The following NAALADL2 variants were observed in gnomAD, a reference collection of about 807,000 sequenced individuals.
NAALADL2 encodes the protein inactive N-acetylated-alpha-linked acidic dipeptidase-like protein 2.
In NAALADL2, 76 loss-of-function variants were observed where a neutral mutation model predicts 87.2. The observed-to-expected ratio is 0.87, with a 90% CI of 0.72 to 1.05. The LOEUF (loss-of-function observed/expected upper bound fraction) is 1.05, where lower values mean the gene tolerates loss of function less well. NAALADL2 is among the 50% of genes least tolerant of loss of function. The pLI, the probability that NAALADL2 is intolerant of heterozygous loss-of-function variation, is 0.00. For synonymous variants in NAALADL2, 354 were observed against 331.0 expected (o/e 1.07, Z -0.75); for missense variants, 1,089 against 945.8 (o/e 1.15, Z -1.99).
intron 9 of NAALADL2, among the ~76,000 whole-genome samples, chr3:175,563,732 A>G (rs1716655038): frequency 6.6e-6 from 1 of 152,194 alleles, no homozygotes; most frequent in Non-Finnish European, 1.5e-5. Context: ...CTAAGTTAAA[A>G]CAGTGATATG....
At chr3:175,607,606 G>A (rs534524305) in intron 10 of NAALADL2, among the ~76,000 whole-genome samples, 3 of 152,074 alleles carry the variant, frequency 2.0e-5, no homozygotes, top group Non-Finnish European at 2.9e-5. Context: ...GTAAACCATC[G>A]TTTGAAATGT....
At position 175,809,162 on chromosome 3, in the gene NAALADL2, A is replaced by G. The variant is rs967716164; in HGVS notation, c.*5959A>G. 1 of 152,044 alleles carries G rather than the reference A, an allele frequency of 6.6e-6. No individual in the cohort carries two copies. The highest frequency in any genetic ancestry group is 6.6e-5 in the Admixed American group (1 of 15,210). 9.4% of individuals were successfully genotyped at this position (152,044 alleles called of 1,614,324 possible). On this transcript the variant is annotated 3_prime_UTR_variant, in exon 14 of 14. Coordinates refer to ENST00000454872, the MANE Select transcript of NAALADL2 (RefSeq NM_207015.3). ...ATTACTCTCTAAACAGAACTTTAGC[A>G]TATCTGTTTGATAAGAAATACACAA...
At chr3:175,702,148 G>A (rs112202765) in intron 11 of NAALADL2, among the ~76,000 whole-genome samples, 5,982 of 151,936 alleles carry the variant, frequency 0.039, 147 homozygotes, top group Non-Finnish European at 0.057. Flanking sequence ...TTATAAAATG[G>A]CACTCAAAAA....
chr3:174,495,277 A>AC (rs1046055197), intron 1 of NAALADL2, among the ~76,000 whole-genome samples: 1 of 151,976 alleles, frequency 6.6e-6, no homozygotes, highest in African/African-American at 2.4e-5. Context: ...AAAAAAAAAA[A>AC]AAAACAGCCT....
chr3:175,775,580 C>T (rs2150193341), intron 13 of NAALADL2, among the ~76,000 whole-genome samples: 2 of 152,180 alleles, frequency 1.3e-5, no homozygotes, highest in Middle Eastern at 3.4e-3. Flanking sequence ...ACTAGATGAT[C>T]AAAAGGTAAA....
At chr3:174,518,176 A>G (rs1327391083) in intron 1 of NAALADL2, among the ~76,000 whole-genome samples, 1 of 152,136 alleles carries the variant, frequency 6.6e-6, no homozygotes, top group East Asian at 1.9e-4. Flanking sequence ...AGAGGCTACA[A>G]ATCTGGATGT....
At chr3:175,428,005 T>G (rs547333813) in intron 5 of NAALADL2, among the ~76,000 whole-genome samples, 2 of 152,292 alleles carry the variant, frequency 1.3e-5, no homozygotes, top group South Asian at 4.1e-4. Flanking sequence ...CACCTTTTTT[T>G]GAAACCATGT....
chr3:175,033,301 A>G (rs887928460), intron 1 of NAALADL2, among the ~76,000 whole-genome samples: 7 of 152,168 alleles, frequency 4.6e-5, no homozygotes, highest in South Asian at 4.2e-4. Flanking sequence ...TTCTTCTCTG[A>G]CCGTGCTACC....
chr3:174,809,846 A>T (rs1461492199), intron 3 of NAALADL2, among the ~76,000 whole-genome samples: 1 of 152,136 alleles, frequency 6.6e-6, no homozygotes, highest in Non-Finnish European at 1.5e-5. Context: ...TGATCAGATT[A>T]TGGGGATGAA....
At chr3:175,166,108 A>G (rs1335925928) in intron 2 of NAALADL2, among the ~76,000 whole-genome samples, 3 of 151,550 alleles carry the variant, frequency 2.0e-5, no homozygotes, top group Non-Finnish European at 4.4e-5. Flanking sequence ...TACCTAGTAT[A>G]TATACACATT....
intron 2 of NAALADL2, among the ~76,000 whole-genome samples, chr3:174,596,815 T>C (rs990274236): frequency 6.6e-6 from 1 of 152,202 alleles, no homozygotes; most frequent in Non-Finnish European, 1.5e-5. Context: ...GATATCCAAC[T>C]ATATGCTAGA....
chr3:174,528,449 G>A (rs993947565), intron 1 of NAALADL2, among the ~76,000 whole-genome samples: 2 of 152,124 alleles, frequency 1.3e-5, no homozygotes, highest in African/African-American at 4.8e-5. Context: ...GGCCAACATG[G>A]TGAAACCTAG....
chr3:174,462,547 C>T (rs907184639), intron 1 of NAALADL2, among the ~76,000 whole-genome samples: 2 of 152,096 alleles, frequency 1.3e-5, no homozygotes, highest in African/African-American at 4.8e-5. Context: ...AGTTATCCCT[C>T]TGTAAAATGG....
chr3:174,780,060 G>A (rs770158562), intron 3 of NAALADL2, among the ~76,000 whole-genome samples: 1 of 152,104 alleles, frequency 6.6e-6, no homozygotes, highest in Non-Finnish European at 1.5e-5. Flanking sequence ...ATTACTTTGG[G>A]CAGTATGGCC....
intron 2 of NAALADL2, among the ~76,000 whole-genome samples, chr3:175,166,122 A>G (rs1733971089): frequency 6.6e-6 from 1 of 151,774 alleles, no homozygotes; most frequent in Admixed American, 6.6e-5. Flanking sequence ...ACACATTTGA[A>G]TTGTTATATG....
At chr3:175,139,752 A>T (rs1184447914) in intron 2 of NAALADL2, among the ~76,000 whole-genome samples, 1 of 152,150 alleles carries the variant, frequency 6.6e-6, no homozygotes, top group African/African-American at 2.4e-5. Context: ...ATTAGTTTTC[A>T]ACTTTTATTT....
intron 3 of NAALADL2, among the ~76,000 whole-genome samples, chr3:174,791,617 C>A (rs1717461097): frequency 4.6e-5 from 7 of 152,116 alleles, no homozygotes; most frequent in Admixed American, 4.6e-4. Context: ...GAATATTCTC[C>A]CCAGAATTAT....
intron 2 of NAALADL2, among the ~76,000 whole-genome samples, chr3:174,556,365 G>T (rs1424350225): frequency 6.6e-5 from 10 of 152,020 alleles, no homozygotes. Context: ...ATGTGTAGCA[G>T]TTCTGTTCTT....
At chr3:174,526,656 C>T (rs1720779165) in intron 1 of NAALADL2, among the ~76,000 whole-genome samples, 1 of 150,374 alleles carries the variant, frequency 6.7e-6, no homozygotes, top group Non-Finnish European at 1.5e-5. Flanking sequence ...TATTTGGTAA[C>T]ACTGAAATTG....
Sources: allele counts gnomAD v4.1 joint callset (sites outside exome capture counted in the v4.1 genomes callset), GRCh38; gene constraint gnomAD v4.1.1; transcripts MANE v1.5; gene names NCBI Gene and HGNC (gene_info 2026-07-23, HGNC 2026-07-21).